The following PPP6R2 variants were observed in gnomAD, a reference collection of about 807,000 sequenced individuals.
PPP6R2 encodes protein phosphatase 6 regulatory subunit 2.
In PPP6R2, 62 loss-of-function variants were observed where a neutral mutation model predicts 100.2. The ratio of observed to expected loss-of-function variants is 0.62; its 90% CI spans 0.50 to 0.76. The LOEUF (loss-of-function observed/expected upper bound fraction) is 0.76. PPP6R2 is among the 30% of genes least tolerant of loss of function. The pLI is 0.00. For synonymous variants in PPP6R2, 525 were observed against 514.7 expected (o/e 1.02, Z -0.27); for missense variants, 1,142 against 1,276.3 (o/e 0.89, Z 1.60).
chr22:50,385,618 C>G lies in PPP6R2; in HGVS notation c.-16-8275C>G, dbSNP rs571404616. On this transcript the variant is annotated intron_variant, in intron 2 of 23. Transcript: ENST00000612753. ...GCAACCTCTCCCTCCCGGGTTCAAG[C>G]GATTCTCCTGCCTCAGCCTCCTGAG... Among the ~76,000 whole-genome samples the G allele has an allele frequency of 1.7e-4, 25 of 150,608 alleles. No homozygotes were observed. The East Asian group carries it at 4.9e-3, about 29-fold the overall frequency.
At position 50,418,901 on chromosome 22, in the gene PPP6R2, T is replaced by C. The variant is rs2060918070; in HGVS notation, c.653T>C (p.Ile218Thr). ...AATGCTTCTCAGACTCTCTGTGACA[T>C]AGTTAGGCTGGGCAGAGACCAGGGC... is the stretch of plus-strand genomic sequence containing the variant. ...QSNASQTLCD[I>T]VRLGRDQGSQ... The change falls in exon 7 of 24, where the codon ATA (isoleucine) becomes ACA (threonine). Residue 218 changes from isoleucine to threonine, a missense_variant. Physicochemically the swap from Ile to Thr is moderately conservative, Grantham distance 89. Coordinates refer to ENST00000612753, the MANE Select transcript of PPP6R2 (RefSeq NM_001242898.2). 1 of 1,613,728 alleles carries C rather than the reference T, an allele frequency of 6.2e-7. No homozygotes were observed. Among genetic ancestry groups the C allele is most frequent in the Non-Finnish European group, 8.5e-7 (1 of 1,179,822 alleles).
In PPP6R2 at chr22:50,405,398, G is replaced by A. The variant is rs558230178; in HGVS notation, c.228-1291G>A. Among the ~76,000 whole-genome samples, 25 of 146,684 alleles carry A rather than the reference G, an allele frequency of 1.7e-4. No individual in the cohort carries two copies. In the East Asian group the frequency reaches 4.2e-3, roughly 25 times the overall value. Reference sequence around the variant, plus strand: ...GAGAGAGGCGAGAGGCCTGGCAGACGAGTGTGAAGGCCTGGAGAGAGGTGA... The same window carrying A: ...GAGAGAGGCGAGAGGCCTGGCAGACAAGTGTGAAGGCCTGGAGAGAGGTGA... On this transcript the variant is annotated intron_variant, in intron 3 of 23. Transcript: ENST00000612753.
At chr22:50,439,278 G>T (rs773706261) in intron 19 of PPP6R2, among the ~76,000 whole-genome samples, 1 of 152,158 alleles carries the variant, frequency 6.6e-6, no homozygotes, top group Non-Finnish European at 1.5e-5. Context: ...CAGAGCAAGG[G>T]TGACACCCTG....
intron 1 of PPP6R2, among the ~76,000 whole-genome samples, chr22:50,356,034 C>T (rs1262770245): frequency 6.6e-6 from 1 of 150,582 alleles, no homozygotes; most frequent in Non-Finnish European, 1.5e-5. Context: ...GCGATCTCGG[C>T]TCACTGCAAG....
At chr22:50,340,289 G>T (rs565664901), upstream of PPP6R2, among the ~76,000 whole-genome samples, 9 of 131,654 alleles carry the variant, frequency 6.8e-5, no homozygotes, top group African/African-American at 2.3e-4. Flanking sequence ...TGTGGTATGT[G>T]TGTGGTATGT....
chr22:50,380,926 T>G (rs2052755257), intron 2 of PPP6R2, among the ~76,000 whole-genome samples: 1 of 149,756 alleles, frequency 6.7e-6, no homozygotes, highest in African/African-American at 2.5e-5. Context: ...GAGGCGGAGC[T>G]TGCAGTGAGC....
At chr22:50,443,548 A>C in intron 22 of PPP6R2, 2 of 351,426 alleles carry the variant, frequency 5.7e-6, no homozygotes, top group Non-Finnish European at 1.1e-5. Flanking sequence ...GTGAGGCTGA[A>C]GTTGAGATCA....
intron 1 of PPP6R2, among the ~76,000 whole-genome samples, chr22:50,359,691 T>C (rs1366723276): frequency 2.0e-5 from 3 of 152,322 alleles, no homozygotes; most frequent in Non-Finnish European, 2.9e-5. Flanking sequence ...CCCTGTGGTA[T>C]GGTGTAGAAT....
intron 3 of PPP6R2, among the ~76,000 whole-genome samples, chr22:50,398,409 G>T (rs1350690350): frequency 6.6e-6 from 1 of 150,780 alleles, no homozygotes. Flanking sequence ...CCGACCTCAG[G>T]TGATCCATCT....
In PPP6R2 at chr22:50,416,306, A is replaced by T. The variant is rs374180997; in HGVS notation, c.618+149A>T. 98 of 625,976 alleles carry T rather than the reference A, an allele frequency of 1.6e-4. 2 individuals carry two copies. The South Asian group carries it at 2.3e-3, about 15-fold the overall frequency. 38.8% of individuals were successfully genotyped at this position (625,976 alleles called of 1,614,324 possible). On this transcript the variant is annotated intron_variant, in intron 6 of 23. Coordinates refer to ENST00000612753, the MANE Select transcript of PPP6R2 (RefSeq NM_001242898.2). ...GGTACTTTTCTTTCTTTAATCAAGC[A>T]CTGACTTCTAGGCTGGATTTTTTTT... is the stretch of plus-strand genomic sequence containing the variant.
At position 50,434,986 on chromosome 22, in the gene PPP6R2, G is replaced by T. The variant is rs114588174; in HGVS notation, c.1421G>T (p.Arg474Leu). The change falls in exon 13 of 24, where the codon CGT (arginine) becomes CTT (leucine). Residue 474 changes from arginine to leucine, a missense_variant. This residue lies in a region of PPP6R2 where 592 missense variants were observed against 758.9 expected (regional missense o/e 0.78). Transcript: ENST00000612753. ...DHTQAAGGMR[R>L]GNMGHLTRIA... ...TTCAGGGCAGCGGGTGGCATGAGACGTGGGAACATGGGCCACCTCACACGG... is the reference window on the plus strand; with the variant it reads ...TTCAGGGCAGCGGGTGGCATGAGACTTGGGAACATGGGCCACCTCACACGG... 1.6e-5 allele frequency: 25 copies of T among 1,605,624 alleles called. No homozygotes were observed. The African/African-American group carries it at 2.7e-4, about 17-fold the overall frequency.
upstream of PPP6R2, among the ~76,000 whole-genome samples, chr22:50,340,258 GTGTGTGTGGTGTGTGTGGTATGTGGTA>G: frequency 9.0e-6 from 1 of 110,910 alleles, no homozygotes; most frequent in Admixed American, 1.1e-4. Flanking sequence ...TGTGTGGAGG[GTGTGTGTGGTGTGTGTGGTATGTGGTA>G]TGTGTGTGGT....
rs1463817763 is a variant in PPP6R2, at chr22:50,437,392, G to A, written c.1684-114G>A. On this transcript the variant is annotated intron_variant, in intron 15 of 23. Transcript: ENST00000612753. ...GAGTTTACTGCCCACTTGTGCTGGA[G>A]GAGAAGCTCCCGAACAACTAGAGAG... 14 of 751,372 alleles carry A rather than the reference G, an allele frequency of 1.9e-5. No individual in the cohort carries two copies. In the East Asian group the frequency reaches 3.8e-4, roughly 20 times the overall value. The allele number at this position is 751,372 out of a possible 1,614,324, so 46.5% of individuals were successfully genotyped here.
At chr22:50,430,664 G>A (rs2148072166) in intron 10 of PPP6R2, among the ~76,000 whole-genome samples, 1 of 152,148 alleles carries the variant, frequency 6.6e-6, no homozygotes, top group African/African-American at 2.4e-5. Context: ...ACCTGAGGTT[G>A]GAAGTTCAAG....
upstream of PPP6R2, among the ~76,000 whole-genome samples, chr22:50,338,946 A>G (rs1244067308): frequency 1.9e-4 from 12 of 61,604 alleles, no homozygotes; most frequent in African/African-American, 4.8e-4. Context: ...GTGGGTGTGT[A>G]GGGTGTGGTG....
At chr22:50,354,209 G>T (rs1602137864) in intron 1 of PPP6R2, among the ~76,000 whole-genome samples, 1 of 152,244 alleles carries the variant, frequency 6.6e-6, no homozygotes, top group East Asian at 1.9e-4. Context: ...GGAGGCTGAG[G>T]CAGGAGAATC....
At chr22:50,426,665 T>C (rs555723773) in intron 10 of PPP6R2, among the ~76,000 whole-genome samples, 1 of 152,030 alleles carries the variant, frequency 6.6e-6, no homozygotes, top group Admixed American at 6.6e-5. Flanking sequence ...CGAAACCCCA[T>C]GTCTACAAAA....
chr22:50,393,626 C>G, intron 2 of PPP6R2: 8 of 951,198 alleles, frequency 8.4e-6, no homozygotes, highest in Non-Finnish European at 1.0e-5. Context: ...AGCCTCAGAG[C>G]TGTTGAGCAG....
chr22:50,389,556 GTT>G (rs112650389), intron 2 of PPP6R2, among the ~76,000 whole-genome samples: 29 of 133,712 alleles, frequency 2.2e-4, no homozygotes, highest in East Asian at 4.2e-4. Flanking sequence ...ATCTTTTTTT[GTT>G]TTTTTTTTTT....
Sources: gnomAD v4.1 joint callset for allele counts (sites outside exome capture counted in the v4.1 genomes callset) on GRCh38, gnomAD v4.1.1 for gene constraint, gnomAD v4.1.1 regional missense constraint, MANE v1.5 for transcripts, NCBI Gene and HGNC (gene_info 2026-07-23, HGNC 2026-07-21) for gene names.